NSUN6: variants seen among roughly 807,000 people sequenced by gnomAD.
NSUN6 encodes the protein NOP2/Sun RNA methyltransferase 6.
A neutral mutation model predicts 58.0 loss-of-function variants in NSUN6; 64 were observed. The ratio of observed to expected loss-of-function variants is 1.10; its 90% CI spans 0.90 to 1.36. NSUN6 has a LOEUF of 1.36. Ranked by LOEUF, NSUN6 falls within the 40% of genes most tolerant of loss-of-function variation. NSUN6 has a pLI of 0.00. For synonymous variants in NSUN6, 231 were observed against 193.9 expected (o/e 1.19, Z -1.59); for missense variants, 701 against 550.1 (o/e 1.27, Z -2.74).
chr10:18,570,774 C>T lies in NSUN6; in HGVS notation c.922+15175G>A, dbSNP rs138717328. ...ATTCCATTCTCCATTCCATTCCATG[C>T]TCCCTTCCATTCCATTCTCCATACC... On this transcript the variant is annotated intron_variant, in intron 8 of 10. Coordinates refer to ENST00000377304, the MANE Select transcript of NSUN6 (RefSeq NM_182543.5). 2.7e-3 allele frequency among the ~76,000 whole-genome samples: 410 copies of T among 149,640 alleles called. 2 individuals carry two copies. Among genetic ancestry groups the T allele is most frequent in the African/African-American group, 9.6e-3 (393 of 40,926 alleles).
At chr10:18,638,565 G>C (rs2059291915) in intron 3 of NSUN6, among the ~76,000 whole-genome samples, 1 of 152,114 alleles carries the variant, frequency 6.6e-6, no homozygotes, top group Non-Finnish European at 1.5e-5. Context: ...CAAAAGACAA[G>C]GTACTGTTAC....
intron 6 of NSUN6, among the ~76,000 whole-genome samples, chr10:18,596,761 T>C (rs1424922530): frequency 6.6e-6 from 1 of 152,216 alleles, no homozygotes; most frequent in Non-Finnish European, 1.5e-5. Context: ...CAGCGGTCAT[T>C]ACTCAGCATT....
In NSUN6 at chr10:18,556,222, T is replaced by C. The variant is rs569559976; in HGVS notation, c.923-4251A>G. On this transcript the variant is annotated intron_variant, in intron 8 of 10. Transcript: ENST00000377304. ...GAATGAAGAATGGAATAGAATGCAA[T>C]GGGAAGTGGAATGGAATGGAATGCG... 5.5e-5 allele frequency among the ~76,000 whole-genome samples: 8 copies of C among 144,684 alleles called. No homozygotes were observed. In the East Asian group the frequency reaches 1.7e-3, roughly 30 times the overall value. The allele number at this position is 144,684 out of a possible 152,430, so 94.9% of individuals were successfully genotyped here.
At chr10:18,606,893 T>C (rs545257982) in intron 6 of NSUN6, among the ~76,000 whole-genome samples, 154 of 152,266 alleles carry the variant, frequency 1.0e-3, no homozygotes, top group African/African-American at 3.6e-3. Flanking sequence ...TGTGGGATAA[T>C]GAGGCTCCCT....
At chr10:18,608,680 G>A (rs2058124945) in intron 6 of NSUN6, among the ~76,000 whole-genome samples, 1 of 148,934 alleles carries the variant, frequency 6.7e-6, no homozygotes, top group Admixed American at 6.7e-5. Context: ...GAGATGAGCA[G>A]GTACTGTCAA....
Position 18,578,582 on chromosome 10 carries a change from C to A in NSUN6, c.922+7367G>T, listed in dbSNP as rs1029287392. Reference sequence around the variant, plus strand: ...AGGGCTCTCCGTTGCTTACAGCCCCCCAACATCAATTCAACTAATTCCTTA... The same window carrying A: ...AGGGCTCTCCGTTGCTTACAGCCCCACAACATCAATTCAACTAATTCCTTA... On this transcript the variant is annotated intron_variant, in intron 8 of 10. Coordinates refer to ENST00000377304, the MANE Select transcript of NSUN6 (RefSeq NM_182543.5). 2.0e-5 allele frequency among the ~76,000 whole-genome samples: 3 copies of A among 152,130 alleles called. No homozygotes were observed. In the East Asian group the frequency reaches 5.8e-4, roughly 29 times the overall value.
intron 8 of NSUN6, among the ~76,000 whole-genome samples, chr10:18,559,979 G>C (rs970473707): frequency 2.7e-5 from 4 of 150,060 alleles, no homozygotes; most frequent in Non-Finnish European, 6.0e-5. Context: ...ATGGAATGGA[G>C]AATCGAATGG....
rs751255229 is a variant in NSUN6 at position 18,616,240 on chromosome 10, T to C, written c.365A>G (p.Asn122Ser). Residue 122 changes from asparagine (N) to serine (S), a missense_variant, in exon 4 of 11, where the codon AAT (asparagine) becomes AGT (serine). Physicochemically the swap from Asn to Ser is conservative, Grantham distance 46 (BLOSUM62 1). Coordinates refer to ENST00000377304, the MANE Select transcript of NSUN6 (RefSeq NM_182543.5). ...GACATGGGCTCCTCTTAAAACTGCA[T>C]TGCCACACTGGGCTCCAACAATGGC... Reference protein sequence around the residue: ...CEAIVGAQCGNAVLRGAHVYA... With the variant: ...CEAIVGAQCGSAVLRGAHVYA... 6 of 1,611,610 alleles carry C rather than the reference T, an allele frequency of 3.7e-6. No individual in the cohort carries two copies. Among genetic ancestry groups the C allele is most frequent in the Middle Eastern group, 1.6e-4 (1 of 6,062 alleles).
At chr10:18,616,080 G>T in intron 4 of NSUN6, 104 bp downstream of exon 4, 1 of 686,126 alleles carries the variant, frequency 1.5e-6, no homozygotes, top group Non-Finnish European at 2.5e-6. Context: ...ACCCGACCAA[G>T]AAAAATTTGG....
At chr10:18,632,149 T>C (rs1254263362) in intron 3 of NSUN6, among the ~76,000 whole-genome samples, 1 of 151,862 alleles carries the variant, frequency 6.6e-6, no homozygotes, top group African/African-American at 2.4e-5. Context: ...AAACAAGCAA[T>C]GGGGAAAGGA....
upstream of NSUN6, chr10:18,655,088 T>C (rs1466376796): frequency 1.0e-6 from 1 of 982,802 alleles, no homozygotes; most frequent in African/African-American, 1.7e-5. Context: ...ATAATTTGCT[T>C]TGGGGAACAC....
chr10:18,655,636 G>A (rs747936610), upstream of NSUN6, among the ~76,000 whole-genome samples: 6 of 152,162 alleles, frequency 3.9e-5, no homozygotes, highest in Admixed American at 6.6e-5. Context: ...GGCTCCACCC[G>A]AAGGAATGGG....
chr10:18,632,642 G>A (rs1015375674), intron 3 of NSUN6, among the ~76,000 whole-genome samples: 3 of 152,120 alleles, frequency 2.0e-5, no homozygotes, highest in African/African-American at 7.2e-5. Context: ...GCAGCCAAAA[G>A]ACACACGAAA....
intron 3 of NSUN6, among the ~76,000 whole-genome samples, chr10:18,622,423 A>G (rs2131398652): frequency 6.6e-6 from 1 of 152,314 alleles, no homozygotes; most frequent in South Asian, 2.1e-4. Context: ...ACTACAAAAG[A>G]TGGAAATCAG....
chr10:18,558,137 C>T (rs1159025343), intron 8 of NSUN6, among the ~76,000 whole-genome samples: 1 of 135,856 alleles, frequency 7.4e-6, no homozygotes, highest in Non-Finnish European at 1.6e-5. Flanking sequence ...GAATGGAATG[C>T]GAATAGAATG....
intron 8 of NSUN6, among the ~76,000 whole-genome samples, chr10:18,572,242 C>G (rs1589908475): frequency 6.9e-6 from 1 of 144,158 alleles, no homozygotes; most frequent in South Asian, 2.1e-4. Flanking sequence ...TTCCCCATTG[C>G]ATTGTCCATT....
chr10:18,617,429 C>A (rs376366847), intron 3 of NSUN6, among the ~76,000 whole-genome samples: 10 of 152,088 alleles, frequency 6.6e-5, no homozygotes, highest in African/African-American at 2.4e-4. Flanking sequence ...CTCAGGTGAT[C>A]CACCAGCCTC....
intron 8 of NSUN6, among the ~76,000 whole-genome samples, chr10:18,555,557 G>C (rs1007921045): frequency 7.3e-5 from 11 of 150,846 alleles, no homozygotes; most frequent in African/African-American, 2.2e-4. Flanking sequence ...GAATGGAATA[G>C]AGAATGGAAT....
At position 18,585,944 on chromosome 10, in the gene NSUN6, C is replaced by T; in HGVS notation, c.922+5G>A. ...ATTAAAAATAAGAAAATCAAAATAG[C>T]TCACCTTCTGTGTCCTCCACCATAT... On this transcript the variant is annotated splice_donor_5th_base_variant and intron_variant, in intron 8 of 10. Coordinates refer to ENST00000377304, the MANE Select transcript of NSUN6 (RefSeq NM_182543.5). 6.3e-7 allele frequency: 1 copy of T among 1,583,176 alleles called. No homozygotes were observed. Among genetic ancestry groups the T allele is most frequent in the Non-Finnish European group, 8.5e-7 (1 of 1,169,942 alleles).
Sources: gnomAD v4.1 joint callset for allele counts (sites outside exome capture counted in the v4.1 genomes callset) on GRCh38, gnomAD v4.1.1 for gene constraint, MANE v1.5 for transcripts, NCBI Gene and HGNC (gene_info 2026-07-23, HGNC 2026-07-21) for gene names.